Variants in SUB1 observed in about 807,000 individuals in gnomAD.
SUB1 encodes the protein activated RNA polymerase II transcriptional coactivator p15.
In SUB1, 1 loss-of-function variant was observed where a neutral mutation model predicts 16.9. The observed-to-expected ratio is 0.06, with a 90% CI of 0.02 to 0.28. SUB1 has a LOEUF of 0.28. Ranked by LOEUF, SUB1 falls within the 10% of genes least tolerant of loss-of-function variation. SUB1 has a pLI of 1.00. For synonymous variants in SUB1, 51 were observed against 46.9 expected (o/e 1.09, Z -0.36); for missense variants, 84 against 145.2 (o/e 0.58, Z 2.16).
Position 32,599,644 on chromosome 5 carries a change from T to C in SUB1, c.304+575T>C, listed in dbSNP as rs1414843057. 2.0e-5 allele frequency among the ~76,000 whole-genome samples: 3 copies of C among 151,902 alleles called. No individual in the cohort carries two copies. The South Asian group carries it at 6.2e-4, about 31-fold the overall frequency. On this transcript the variant is annotated intron_variant, in intron 4 of 4. Transcript: ENST00000265073. ...AGCTAAAGAAAAATGCTTCCTTATT[T>C]AGTTTTATTCTGCCTGCCTGTTAGT...
At chr5:32,592,547 G>A (rs368980242) in intron 3 of SUB1, among the ~76,000 whole-genome samples, 9 of 152,208 alleles carry the variant, frequency 5.9e-5, no homozygotes, top group Non-Finnish European at 7.3e-5. Flanking sequence ...ATGCAGGTGA[G>A]ATTGCTTAGG....
At chr5:32,595,669 A>G (rs1311997543) in intron 3 of SUB1, 1 of 152,226 alleles carries the variant, frequency 6.6e-6, no homozygotes, top group Non-Finnish European at 1.5e-5. Context: ...TTGGGTAAAT[A>G]CCAGATACAT....
intron 1 of SUB1, among the ~76,000 whole-genome samples, chr5:32,587,381 C>T (rs1481386231): frequency 6.6e-6 from 1 of 152,160 alleles, no homozygotes; most frequent in Non-Finnish European, 1.5e-5. Context: ...TTGCTTTCTG[C>T]AAACTTGCAC....
chr5:32,587,645 T>C (rs1000415679), intron 1 of SUB1, among the ~76,000 whole-genome samples: 22 of 152,074 alleles, frequency 1.4e-4, no homozygotes, highest in Middle Eastern at 3.4e-3. Context: ...GAGTCTTGCT[T>C]TGTTGCCCAG....
Position 32,601,088 on chromosome 5 carries a change from T to A in SUB1, c.*4T>A, listed in dbSNP as rs1252050665. The A allele has an allele frequency of 6.2e-7, 1 of 1,609,700 alleles. No homozygotes were observed. Among genetic ancestry groups the A allele is most frequent in the South Asian group, 1.1e-5 (1 of 90,912 alleles). ...TGATGCAGTAAGAAAACTGTAAAAT[T>A]CGAGCCATATAAATAAAACCTGTAC... On this transcript the variant is annotated 3_prime_UTR_variant, in exon 5 of 5. Transcript: ENST00000265073.
At chr5:32,600,790 GA>G (rs1373989175) in intron 4 of SUB1, among the ~76,000 whole-genome samples, 2 of 152,126 alleles carry the variant, frequency 1.3e-5, no homozygotes, top group Non-Finnish European at 2.9e-5. Context: ...TTTTAGTAGA[GA>G]TGGGGTTTCA....
chr5:32,587,953 T>C (rs1738715812), intron 1 of SUB1, among the ~76,000 whole-genome samples: 1 of 152,182 alleles, frequency 6.6e-6, no homozygotes. Flanking sequence ...GTACCTGTCG[T>C]TATTTTGGTG....
chr5:32,589,484 T>G (rs1275139760), intron 2 of SUB1, among the ~76,000 whole-genome samples: 2 of 152,242 alleles, frequency 1.3e-5, no homozygotes, highest in Non-Finnish European at 2.9e-5. Context: ...AAGTTTGTAC[T>G]AAGTTTGTGC....
intron 1 of SUB1, among the ~76,000 whole-genome samples, chr5:32,587,763 C>T (rs183168739): frequency 4.6e-5 from 7 of 152,118 alleles, no homozygotes; most frequent in East Asian, 3.9e-4. Flanking sequence ...GGTGTGCCAC[C>T]GTGCCCTGTT....
intron 1 of SUB1, chr5:32,586,567 G>A (rs1462503344): frequency 6.6e-6 from 1 of 151,912 alleles, no homozygotes; most frequent in Admixed American, 6.6e-5. Context: ...TTCTCCAGTG[G>A]ACTTCTTTGG....
At chr5:32,596,715 C>A in intron 3 of SUB1, 1 of 152,100 alleles carries the variant, frequency 6.6e-6, no homozygotes, top group Non-Finnish European at 1.5e-5. Context: ...TGAATATATC[C>A]AATGCGTGTG....
At chr5:32,595,721 G>A (rs1158904330) in intron 3 of SUB1, 1 of 152,188 alleles carries the variant, frequency 6.6e-6, no homozygotes. Context: ...ATAAGACACT[G>A]TCAAACCATT....
chr5:32,595,952 CT>C (rs1452574539), intron 3 of SUB1: 1 of 143,008 alleles, frequency 7.0e-6, no homozygotes, highest in African/African-American at 2.6e-5. Context: ...ATTTTTATAT[CT>C]TTTGTGAAGA....
At chr5:32,595,622 T>C (rs1318552693) in intron 3 of SUB1, 5 of 152,244 alleles carry the variant, frequency 3.3e-5, no homozygotes, top group Admixed American at 6.5e-5. Context: ...GCTGTGAATA[T>C]TCTTGTACAA....
At chr5:32,598,841 A>T in intron 3 of SUB1, 120 bp from the exon 4 acceptor site, 1 of 725,012 alleles carries the variant, frequency 1.4e-6, no homozygotes. Context: ...AAGGGTCAGC[A>T]GTAGTCATTT....
At chr5:32,596,585 T>TTTA (rs1350863586) in intron 3 of SUB1, 2 of 152,188 alleles carry the variant, frequency 1.3e-5, no homozygotes, top group African/African-American at 4.8e-5. Flanking sequence ...AAGATAGAGA[T>TTTA]TTAGAGTCTT....
At chr5:32,595,430 G>C (rs1738935419) in intron 3 of SUB1, 1 of 152,166 alleles carries the variant, frequency 6.6e-6, no homozygotes, top group Non-Finnish European at 1.5e-5. Context: ...ATGGATACAT[G>C]CAGTCTATTT....
Position 32,588,621 on chromosome 5 carries a change from C to G in SUB1, c.72+37C>G, listed in dbSNP as rs1579509403. On this transcript the variant is annotated intron_variant, in intron 2 of 4. Coordinates refer to ENST00000265073, the MANE Select transcript of SUB1 (RefSeq NM_006713.4). ...TGCACCAAGTCATTTTGGTGATACTCAACAATATTGTCCATATCCCATTCT... is the reference window on the plus strand; with the variant it reads ...TGCACCAAGTCATTTTGGTGATACTGAACAATATTGTCCATATCCCATTCT... 6.3e-6 allele frequency: 10 copies of G among 1,588,084 alleles called. 1 individual carries two copies. The East Asian group carries it at 2.2e-4, about 36-fold the overall frequency.
At chr5:32,591,417 G>GT (rs1375065206) in intron 2 of SUB1, 146 bp from the exon 3 acceptor site, 7 of 1,126,212 alleles carry the variant, frequency 6.2e-6, no homozygotes, top group Non-Finnish European at 8.4e-6. Flanking sequence ...TAGTTTTGTT[G>GT]TTGAGTGAAA....
Sources: gnomAD v4.1 joint callset for allele counts (sites outside exome capture counted in the v4.1 genomes callset) on GRCh38, gnomAD v4.1.1 for gene constraint, MANE v1.5 for transcripts, NCBI Gene and HGNC (gene_info 2026-07-23, HGNC 2026-07-21) for gene names.